Variants in ATP8A2 observed in about 807,000 individuals in gnomAD.
ATP8A2 encodes the protein phospholipid-transporting ATPase IB.
Under a neutral mutation model 165.6 loss-of-function variants are expected in ATP8A2, and 100 were observed. The observed-to-expected ratio is 0.60, with a 90% CI of 0.51 to 0.71. The LOEUF (loss-of-function observed/expected upper bound fraction) is 0.71, where lower values mean the gene tolerates loss of function less well. Among genes scored for constraint, ATP8A2 ranks in the 30% least tolerant of loss-of-function variants. The probability of loss-of-function intolerance (pLI) is 0.00; values close to 1 mark genes in which losing one functional copy is unlikely to be tolerated. For missense variants in ATP8A2, 1,227 were observed against 1,479.5 expected (o/e 0.83, Z 2.80); for synonymous variants, 543 against 548.8 (o/e 0.99, Z 0.15).
rs571619116 is a variant in ATP8A2, at chr13:25,557,997, G to A, written c.1264-976G>A. On this transcript the variant is annotated intron_variant, in intron 13 of 36. Coordinates refer to ENST00000381655, the MANE Select transcript of ATP8A2 (RefSeq NM_016529.6). ...CGGCTCACTGCAACCTCTGCCTCCT[G>A]GGTTCAAGCGATTCTTCTGCCTCAA... 5.3e-3 allele frequency among the ~76,000 whole-genome samples: 811 copies of A among 152,012 alleles called. 7 individuals are homozygous for A. Among genetic ancestry groups the A allele is most frequent in the African/African-American group, 0.019 (789 of 41,464 alleles).
At chr13:25,917,964 G>A (rs1008338030) in intron 33 of ATP8A2, among the ~76,000 whole-genome samples, 1 of 152,064 alleles carries the variant, frequency 6.6e-6, no homozygotes, top group Non-Finnish European at 1.5e-5. Context: ...TTTGTTCTTT[G>A]AATATTGGAA....
chr13:25,566,416 G>C (rs1407253759), intron 16 of ATP8A2, among the ~76,000 whole-genome samples: 1 of 152,220 alleles, frequency 6.6e-6, no homozygotes, highest in East Asian at 1.9e-4. Context: ...AGAAACAAGT[G>C]TACTTTGAGC....
intron 24 of ATP8A2, among the ~76,000 whole-genome samples, chr13:25,695,240 C>T (rs1176525835): frequency 1.3e-5 from 2 of 151,848 alleles, no homozygotes; most frequent in African/African-American, 4.8e-5. Flanking sequence ...AATGTGTGTG[C>T]CTTAATTTAA....
chr13:25,631,773 C>A (rs1374465896), intron 24 of ATP8A2, among the ~76,000 whole-genome samples: 1 of 152,180 alleles, frequency 6.6e-6, no homozygotes, highest in Non-Finnish European at 1.5e-5. Flanking sequence ...CCCTCCACTT[C>A]TTGCAGCTTT....
At chr13:25,709,522 T>A (rs562994934) in intron 25 of ATP8A2, among the ~76,000 whole-genome samples, 9 of 134,680 alleles carry the variant, frequency 6.7e-5, no homozygotes, top group Non-Finnish European at 8.9e-5. Context: ...AGATACTGAG[T>A]TTTTTTTCTG....
intron 1 of ATP8A2, among the ~76,000 whole-genome samples, chr13:25,383,546 T>C (rs1024956849): frequency 3.3e-5 from 5 of 152,240 alleles, no homozygotes; most frequent in Admixed American, 6.5e-5. Flanking sequence ...CTCTTAACAG[T>C]GTCTTTTGCA....
rs1195456593 is a variant in ATP8A2 at position 25,413,278 on chromosome 13, G to GTT, written c.76+41009_76+41010dup. Reference sequence around the variant, plus strand: ...CTTTTTTTTCTTTTTCTTTTTCTTTGTTTTTTTTTTTTTTTTTTTTGAGAT... The same window carrying GTT: ...CTTTTTTTTCTTTTTCTTTTTCTTTGTTTTTTTTTTTTTTTTTTTTTTGAGAT... On this transcript the variant is annotated intron_variant, in intron 1 of 36. Coordinates refer to ENST00000381655, the MANE Select transcript of ATP8A2 (RefSeq NM_016529.6). Among the ~76,000 whole-genome samples the GTT allele has an allele frequency of 1.0e-3, 106 of 105,260 alleles. 1 individual carries two copies. Among genetic ancestry groups the GTT allele is most frequent in the Non-Finnish European group, 1.4e-3 (75 of 53,540 alleles). 69.1% of individuals were successfully genotyped at this position (105,260 alleles called of 152,430 possible).
At chr13:25,967,067 C>A (rs1284478185) in intron 34 of ATP8A2, among the ~76,000 whole-genome samples, 2 of 152,132 alleles carry the variant, frequency 1.3e-5, no homozygotes, top group Non-Finnish European at 2.9e-5. Context: ...GTCAGTCTAA[C>A]CCCAGAAGCC....
Position 25,804,042 on chromosome 13 carries a change from T to C in ATP8A2, c.2680-24076T>C, listed in dbSNP as rs186603246. 1.0e-3 allele frequency among the ~76,000 whole-genome samples: 154 copies of C among 152,192 alleles called. 1 individual carries two copies. The highest frequency in any genetic ancestry group is 9.1e-3 in the Admixed American group (139 of 15,262). On this transcript the variant is annotated intron_variant, in intron 27 of 36. Coordinates refer to ENST00000381655, the MANE Select transcript of ATP8A2 (RefSeq NM_016529.6). Reference sequence around the variant, plus strand: ...TACACAGCAAGGACAAAGAGATGAGTTTTTAGAGAAAAAAGCACATTAGCA... The same window carrying C: ...TACACAGCAAGGACAAAGAGATGAGCTTTTAGAGAAAAAAGCACATTAGCA...
chr13:25,894,300 C>T (rs1327664500), intron 33 of ATP8A2, among the ~76,000 whole-genome samples: 1 of 152,140 alleles, frequency 6.6e-6, no homozygotes, highest in Non-Finnish European at 1.5e-5. Context: ...AATCCTTTCC[C>T]CATTTCTTCT....
At chr13:25,380,939 A>G (rs2032815136) in intron 1 of ATP8A2, among the ~76,000 whole-genome samples, 1 of 152,124 alleles carries the variant, frequency 6.6e-6, no homozygotes. Flanking sequence ...CATTTTTTTC[A>G]GGGTTATTTA....
At chr13:25,521,416 A>G (rs1484182600) in intron 2 of ATP8A2, among the ~76,000 whole-genome samples, 1 of 152,020 alleles carries the variant, frequency 6.6e-6, no homozygotes, top group Non-Finnish European at 1.5e-5. Context: ...TTGGTTGCCT[A>G]TGCTTTTGAG....
intron 24 of ATP8A2, among the ~76,000 whole-genome samples, chr13:25,623,859 CAT>C (rs1344233432): frequency 5.3e-5 from 8 of 151,808 alleles, no homozygotes; most frequent in Admixed American, 2.6e-4. Flanking sequence ...ATAAATTATG[CAT>C]AGATATATGC....
chr13:25,574,984 C>T, intron 19 of ATP8A2, 127 bp downstream of exon 19: 2 of 475,280 alleles, frequency 4.2e-6, no homozygotes, highest in Non-Finnish European at 7.3e-6. Context: ...ATAAATGTAT[C>T]TCCATAAACT....
chr13:25,820,114 G>T (rs1053071511), intron 27 of ATP8A2, among the ~76,000 whole-genome samples: 1 of 152,286 alleles, frequency 6.6e-6, no homozygotes, highest in Admixed American at 6.5e-5. Flanking sequence ...TGAGAGTGGC[G>T]GCAGGTACAA....
chr13:25,510,689 G>A (rs1201440682), intron 2 of ATP8A2, among the ~76,000 whole-genome samples: 1 of 152,204 alleles, frequency 6.6e-6, no homozygotes, highest in Non-Finnish European at 1.5e-5. Context: ...AGTGGGGAGT[G>A]ATATCAGATA....
intron 33 of ATP8A2, among the ~76,000 whole-genome samples, chr13:25,944,026 T>G (rs1303412593): frequency 6.6e-6 from 1 of 152,250 alleles, no homozygotes; most frequent in Non-Finnish European, 1.5e-5. Context: ...AGAAATATAG[T>G]AAAATAATTA....
chr13:25,508,355 C>T (rs149778499), intron 2 of ATP8A2, among the ~76,000 whole-genome samples: 136 of 152,232 alleles, frequency 8.9e-4, no homozygotes, highest in African/African-American at 3.2e-3. Context: ...TTAAACTCAC[C>T]AGTATTCATG....
Position 26,025,485 on chromosome 13 carries a change from G to C in ATP8A2, c.*5500G>C, listed in dbSNP as rs1566365803. Reference sequence around the variant, plus strand: ...CCTGTCTGCTGTCACATCTGTGCCTGGATTGCTTAAATATTGTTTGTGATG... The same window carrying C: ...CCTGTCTGCTGTCACATCTGTGCCTCGATTGCTTAAATATTGTTTGTGATG... On this transcript the variant is annotated 3_prime_UTR_variant, in exon 37 of 37. Coordinates refer to ENST00000381655, the MANE Select transcript of ATP8A2 (RefSeq NM_016529.6). 6.6e-6 allele frequency: 1 copy of C among 152,258 alleles called. No homozygotes were observed. Among genetic ancestry groups the C allele is most frequent in the Non-Finnish European group, 1.5e-5 (1 of 68,060 alleles). 9.4% of individuals were successfully genotyped at this position (152,258 alleles called of 1,614,324 possible). A position where few individuals can be genotyped will look rare whatever the true frequency, so the allele number is the denominator to read the frequency against.
Sources: allele counts gnomAD v4.1 joint callset (sites outside exome capture counted in the v4.1 genomes callset), GRCh38; gene constraint gnomAD v4.1.1; transcripts MANE v1.5; gene names NCBI Gene and HGNC (gene_info 2026-07-23, HGNC 2026-07-21).